Variants in ZFYVE28 observed in about 807,000 individuals in gnomAD.
ZFYVE28 encodes the protein zinc finger FYVE-type containing 28, also known as lateral signaling target protein 2 homolog.
A neutral mutation model predicts 82.1 loss-of-function variants in ZFYVE28; 40 were observed. The observed-to-expected ratio is 0.49, with a 90% CI of 0.38 to 0.63. ZFYVE28 has a LOEUF of 0.63. ZFYVE28 is among the 30% of genes least tolerant of loss of function. ZFYVE28 has a pLI of 0.00. For missense variants in ZFYVE28, 1,321 were observed against 1,242.1 expected (o/e 1.06, Z -0.96); for synonymous variants, 612 against 546.1 (o/e 1.12, Z -1.68).
At chr4:2,287,899 T>G (rs1240054103) in intron 8 of ZFYVE28, among the ~76,000 whole-genome samples, 2 of 152,202 alleles carry the variant, frequency 1.3e-5, no homozygotes, top group Admixed American at 1.3e-4. Context: ...GATATGGATG[T>G]GTGAATGCTC....
chr4:2,346,289 C>A (rs1484493693), intron 2 of ZFYVE28, among the ~76,000 whole-genome samples: 1 of 150,384 alleles, frequency 6.6e-6, no homozygotes, highest in African/African-American at 2.5e-5. Context: ...TAGCAGTGAG[C>A]CGAGATCGCG....
At chr4:2,289,077 G>T (rs1713197694) in intron 8 of ZFYVE28, among the ~76,000 whole-genome samples, 1 of 152,248 alleles carries the variant, frequency 6.6e-6, no homozygotes, top group Non-Finnish European at 1.5e-5. Flanking sequence ...GAGGCCAAGA[G>T]TTCGAGACCA....
At chr4:2,275,556 G>A (rs548016740) in intron 8 of ZFYVE28, among the ~76,000 whole-genome samples, 4 of 152,290 alleles carry the variant, frequency 2.6e-5, no homozygotes, top group Non-Finnish European at 2.9e-5. Flanking sequence ...ATCCTGCACG[G>A]CCTCTTTTGG....
At chr4:2,403,410 G>A (rs538438816) in intron 1 of ZFYVE28, among the ~76,000 whole-genome samples, 2 of 152,380 alleles carry the variant, frequency 1.3e-5, no homozygotes, top group South Asian at 2.1e-4. Flanking sequence ...GAGCCTTCCA[G>A]AATTCTCGGA....
intron 1 of ZFYVE28, among the ~76,000 whole-genome samples, chr4:2,399,735 A>G (rs905097032): frequency 2.6e-5 from 4 of 152,250 alleles, no homozygotes; most frequent in Non-Finnish European, 5.9e-5. Flanking sequence ...CCAAGTGCAG[A>G]GCAGAGCGGA....
chr4:2,366,581 A>G (rs894302705), intron 1 of ZFYVE28, among the ~76,000 whole-genome samples: 2 of 152,188 alleles, frequency 1.3e-5, no homozygotes, highest in Non-Finnish European at 2.9e-5. Context: ...GCCATCGTCT[A>G]CTCAGCTCAG....
chr4:2,404,309 C>CAACAA (rs1731551897), intron 1 of ZFYVE28, among the ~76,000 whole-genome samples: 1 of 66,530 alleles, frequency 1.5e-5, no homozygotes, highest in South Asian at 6.8e-4. Context: ...GACTCCGCCT[C>CAACAA]AAAAAAAAAA....
chr4:2,391,518 C>G (rs1173028910), intron 1 of ZFYVE28, among the ~76,000 whole-genome samples: 1 of 142,336 alleles, frequency 7.0e-6, no homozygotes, highest in Non-Finnish European at 1.5e-5. Context: ...GCCATTTTCA[C>G]CCTTTTTAAG....
chr4:2,322,921 C>T (rs1285969476), intron 6 of ZFYVE28, among the ~76,000 whole-genome samples: 2 of 152,182 alleles, frequency 1.3e-5, no homozygotes, highest in South Asian at 2.1e-4. Context: ...CGAATGTTCC[C>T]GCGCATACAT....
chr4:2,279,001 C>A (rs1241932278), intron 8 of ZFYVE28, among the ~76,000 whole-genome samples: 1 of 149,174 alleles, frequency 6.7e-6, no homozygotes, highest in African/African-American at 2.5e-5. Context: ...TGTGAAGGAA[C>A]TGGAATCCTC....
chr4:2,303,350 A>G (rs964169204), intron 8 of ZFYVE28, among the ~76,000 whole-genome samples: 14 of 151,764 alleles, frequency 9.2e-5, no homozygotes, highest in South Asian at 2.1e-4. Context: ...CCATCCTTCA[A>G]CGCAGCCCCT....
chr4:2,399,621 G>A (rs10032321), intron 1 of ZFYVE28, among the ~76,000 whole-genome samples: 129,065 of 151,992 alleles, frequency 0.85, 54,954 homozygotes, highest in Admixed American at 0.9. Context: ...CTCCGTGCCC[G>A]TTTTGAGAGG....
chr4:2,387,056 T>TCCAGGGCCGGGGCCGGGG (rs761181680), intron 1 of ZFYVE28, among the ~76,000 whole-genome samples: 1,962 of 152,040 alleles, frequency 0.013, 46 homozygotes, highest in African/African-American at 0.043. Context: ...TGCAGGAGAC[T>TCCAGGGCCGGGGCCGGGG]CCGGGGCCGG....
chr4:2,399,032 G>GGGTGAGATACAGGGCACAAGCGTGGA (rs1730831175), intron 1 of ZFYVE28, among the ~76,000 whole-genome samples: 1 of 50,346 alleles, frequency 2.0e-5, no homozygotes, highest in Non-Finnish European at 4.8e-5. Flanking sequence ...GCACAAGGTG[G>GGGTGAGATACAGGGCACAAGCGTGGA]GGTGAGATCC....
chr4:2,271,674 C>T lies in ZFYVE28; in HGVS notation c.2428+1G>A. 1 of 1,613,776 alleles carries T rather than the reference C, an allele frequency of 6.2e-7. No homozygotes were observed. Among genetic ancestry groups the T allele is most frequent in the Admixed American group, 1.7e-5 (1 of 60,032 alleles). On this transcript the variant is annotated splice_donor_variant, in intron 11 of 12. Transcript: ENST00000290974. LOFTEE classifies it high-confidence loss of function. ...GTCCTGACCCAGAGCCTCCCACACA[C>T]CTTCAAAGTCCCCATCGCGGGTCTT...
At position 2,332,591 on chromosome 4, in the gene ZFYVE28, G is replaced by A. The variant is rs1720885078; in HGVS notation, c.701+3114C>T. 6.6e-6 allele frequency among the ~76,000 whole-genome samples: 1 copy of A among 152,206 alleles called. No homozygotes were observed. The highest frequency in any genetic ancestry group is 1.5e-5 in the Non-Finnish European group (1 of 68,022). On this transcript the variant is annotated intron_variant, in intron 6 of 12. Transcript: ENST00000290974. This position sits in a 1 kb window ranked among gnomAD's most constrained non-coding sequence, Gnocchi z 4.7. The stretch of plus-strand genomic sequence containing the variant: ...AAGCACAGGGCGAGGTATGCAGTAG[G>A]CACTCAATACTTGCTCACTGAATGA...
intron 3 of ZFYVE28, among the ~76,000 whole-genome samples, chr4:2,340,061 G>A (rs1722540945): frequency 1.3e-5 from 2 of 152,140 alleles, no homozygotes; most frequent in South Asian, 4.1e-4. Flanking sequence ...GAAGTTCAAG[G>A]AGCTTGGAGC....
intron 2 of ZFYVE28, among the ~76,000 whole-genome samples, chr4:2,346,067 GCCTGTAATC>G (rs1386689798): frequency 6.6e-6 from 1 of 151,592 alleles, no homozygotes; most frequent in East Asian, 1.9e-4. Flanking sequence ...GGTGGCTCAC[GCCTGTAATC>G]CCAGCACTTT....
intron 1 of ZFYVE28, among the ~76,000 whole-genome samples, chr4:2,397,074 T>C (rs1730557095): frequency 6.6e-6 from 1 of 152,208 alleles, no homozygotes; most frequent in East Asian, 1.9e-4. Context: ...GGTCACCTCC[T>C]GCAAACATTT....
Sources: gnomAD v4.1 joint callset for allele counts (sites outside exome capture counted in the v4.1 genomes callset) on GRCh38, gnomAD v4.1.1 for gene constraint, Gnocchi (gnomAD v3.1) non-coding constraint, MANE v1.5 for transcripts, NCBI Gene and HGNC (gene_info 2026-07-23, HGNC 2026-07-21) for gene names.